The following SNTG1 variants were observed in gnomAD, a reference collection of about 807,000 sequenced individuals.
SNTG1 encodes gamma-1-syntrophin.
A neutral mutation model predicts 74.7 loss-of-function variants in SNTG1; 39 were observed. That is an observed-to-expected ratio of 0.52 (90% CI 0.40 to 0.68). The LOEUF is 0.68. Ranked by LOEUF, SNTG1 falls within the 30% of genes least tolerant of loss-of-function variation. The pLI, the probability that SNTG1 is intolerant of heterozygous loss-of-function variation, is 0.00. For missense variants in SNTG1, 685 were observed against 609.5 expected, an observed-to-expected ratio of 1.12 and a Z score of -1.30; for synonymous variants, 254 against 217.1, an observed-to-expected ratio of 1.17 and a Z score of -1.49.
At chr8:50,737,676 C>T (rs114724725) in intron 17 of SNTG1, among the ~76,000 whole-genome samples, 9 of 152,014 alleles carry the variant, frequency 5.9e-5, no homozygotes, top group Admixed American at 2.6e-4. Flanking sequence ...TATGGGCAAA[C>T]GAAATCCAGC....
intron 2 of SNTG1, among the ~76,000 whole-genome samples, chr8:50,316,656 C>T (rs2090328336): frequency 6.6e-6 from 1 of 152,020 alleles, no homozygotes; most frequent in Non-Finnish European, 1.5e-5. Context: ...TGATGAGAAA[C>T]TAATATGTTC....
rs900477383 is a variant in SNTG1 at position 50,007,781 on chromosome 8, C to T, written c.-103+95550C>T. 9.2e-5 allele frequency among the ~76,000 whole-genome samples: 14 copies of T among 151,882 alleles called. No homozygotes were observed. The East Asian group carries it at 2.5e-3, about 27-fold the overall frequency. Reference sequence around the variant, plus strand: ...AGAATGTGTTAGTCAATTTTCACACCGCTATAAAGAACTACTTGAGATTGG... The same window carrying T: ...AGAATGTGTTAGTCAATTTTCACACTGCTATAAAGAACTACTTGAGATTGG... On this transcript the variant is annotated intron_variant, in intron 1 of 18. Coordinates refer to ENST00000642720, the MANE Select transcript of SNTG1 (RefSeq NM_018967.5).
At chr8:50,303,175 T>C (rs2089726740) in intron 2 of SNTG1, among the ~76,000 whole-genome samples, 2 of 152,190 alleles carry the variant, frequency 1.3e-5, no homozygotes, top group South Asian at 4.1e-4. Flanking sequence ...AGGACTTTTT[T>C]CACAATGGAC....
intron 17 of SNTG1, among the ~76,000 whole-genome samples, chr8:50,716,241 A>C (rs2095474657): frequency 6.6e-6 from 1 of 152,064 alleles, no homozygotes; most frequent in East Asian, 1.9e-4. Flanking sequence ...ATAATCTTTC[A>C]ATTATTTCAC....
At chr8:50,547,828 G>A (rs770597640) in intron 11 of SNTG1, among the ~76,000 whole-genome samples, 11 of 152,146 alleles carry the variant, frequency 7.2e-5, no homozygotes, top group Non-Finnish European at 1.6e-4. Context: ...GTATAATGTA[G>A]TGCTTCTACT....
At chr8:50,446,694 A>G (rs1191671198) in intron 5 of SNTG1, among the ~76,000 whole-genome samples, 3 of 152,162 alleles carry the variant, frequency 2.0e-5, no homozygotes, top group Non-Finnish European at 4.4e-5. Context: ...TAAAATAAAA[A>G]CAGAAAACCA....
intron 2 of SNTG1, among the ~76,000 whole-genome samples, chr8:50,259,883 C>T (rs761378360): frequency 3.3e-5 from 5 of 152,044 alleles, no homozygotes; most frequent in Non-Finnish European, 5.9e-5. Flanking sequence ...TTTCATGAGA[C>T]ACAGTCTGGG....
chr8:50,521,992 C>A lies in SNTG1; in HGVS notation c.467-8185C>A, dbSNP rs143573865. ...TATTGATATTTTTACCTACTCCTGT[C>A]AATATTAATCATGAGTATTCTTAAT... On this transcript the variant is annotated intron_variant, in intron 9 of 18. Coordinates refer to ENST00000642720, the MANE Select transcript of SNTG1 (RefSeq NM_018967.5). 4.1e-3 allele frequency among the ~76,000 whole-genome samples: 620 copies of A among 152,176 alleles called. 7 individuals carry two copies. Among genetic ancestry groups the A allele is most frequent in the African/African-American group, 0.014 (583 of 41,496 alleles).
chr8:50,187,940 C>T (rs1028494689), intron 2 of SNTG1, among the ~76,000 whole-genome samples: 1 of 152,090 alleles, frequency 6.6e-6, no homozygotes, highest in East Asian at 1.9e-4. Context: ...CAAATCAGCC[C>T]AGGTGAGTGG....
chr8:50,574,977 G>C (rs75281514), intron 12 of SNTG1, among the ~76,000 whole-genome samples: 5,124 of 152,184 alleles, frequency 0.034, 138 homozygotes, highest in African/African-American at 0.065. Context: ...TTAATCTATT[G>C]ATGTTTGATC....
intron 1 of SNTG1, among the ~76,000 whole-genome samples, chr8:50,165,232 C>T (rs2082572245): frequency 1.3e-5 from 2 of 152,192 alleles, no homozygotes; most frequent in Non-Finnish European, 2.9e-5. Flanking sequence ...AACATTTAGT[C>T]TCCATCCCCA....
intron 13 of SNTG1, among the ~76,000 whole-genome samples, chr8:50,636,450 A>T (rs1475317605): frequency 6.6e-6 from 1 of 151,996 alleles, no homozygotes; most frequent in Non-Finnish European, 1.5e-5. Flanking sequence ...GCCAAAACTC[A>T]ATTTTGTCTG....
chr8:50,777,702 A>G (rs2095645125), intron 18 of SNTG1, among the ~76,000 whole-genome samples: 1 of 149,074 alleles, frequency 6.7e-6, no homozygotes, highest in Admixed American at 6.7e-5. Flanking sequence ...TTAATTTTTT[A>G]AATTTTATTA....
At chr8:50,154,505 C>T (rs1047942788) in intron 1 of SNTG1, among the ~76,000 whole-genome samples, 1 of 152,154 alleles carries the variant, frequency 6.6e-6, no homozygotes, top group Admixed American at 6.5e-5. Flanking sequence ...CAGAAATCAC[C>T]TGTCTTAGTA....
intron 1 of SNTG1, among the ~76,000 whole-genome samples, chr8:50,028,893 T>C (rs2130737968): frequency 6.6e-6 from 1 of 152,318 alleles, no homozygotes; most frequent in African/African-American, 2.4e-5. Flanking sequence ...AAGCAACATT[T>C]TTGTGTGCTT....
chr8:50,188,419 T>C (rs1345471102), intron 2 of SNTG1, among the ~76,000 whole-genome samples: 2 of 152,092 alleles, frequency 1.3e-5, no homozygotes, highest in Admixed American at 1.3e-4. Flanking sequence ...ACCCTGTAGG[T>C]GTGGGGCTGC....
chr8:50,724,803 T>C (rs977136607), intron 17 of SNTG1, among the ~76,000 whole-genome samples: 1 of 152,156 alleles, frequency 6.6e-6, no homozygotes, highest in Non-Finnish European at 1.5e-5. Flanking sequence ...GTATAGTAAA[T>C]AACATAACCA....
intron 15 of SNTG1, among the ~76,000 whole-genome samples, chr8:50,701,597 C>T (rs187406927): frequency 7.2e-6 from 1 of 138,820 alleles, no homozygotes; most frequent in East Asian, 2.1e-4. Flanking sequence ...TCTTCTTCTT[C>T]TTCTTCTTCT....
At chr8:50,133,904 T>C (rs543987801) in intron 1 of SNTG1, among the ~76,000 whole-genome samples, 16 of 152,280 alleles carry the variant, frequency 1.1e-4, no homozygotes, top group African/African-American at 3.4e-4. Context: ...TAATTCATAA[T>C]AAGAAACTTC....
Sources: allele counts gnomAD v4.1 joint callset (sites outside exome capture counted in the v4.1 genomes callset), GRCh38; gene constraint gnomAD v4.1.1; transcripts MANE v1.5; gene names NCBI Gene and HGNC (gene_info 2026-07-23, HGNC 2026-07-21).